The following PHC2 variants were observed in gnomAD, a reference collection of about 807,000 sequenced individuals.
PHC2 encodes the protein polyhomeotic homolog 2.
Under a neutral mutation model 87.4 loss-of-function variants are expected in PHC2, and 29 were observed. That is an observed-to-expected ratio of 0.33 (90% confidence interval 0.25 to 0.45). The LOEUF is 0.45. Ranked by LOEUF, PHC2 falls within the 20% of genes least tolerant of loss-of-function variation. PHC2 has a pLI of 1.00. For synonymous variants in PHC2, 438 were observed against 461.7 expected, an observed-to-expected ratio of 0.95 and a Z score of 0.66; for missense variants, 857 against 1,136.7, an observed-to-expected ratio of 0.75 and a Z score of 3.54.
chr1:33,427,998 T>C (rs937551664), intron 1 of PHC2, among the ~76,000 whole-genome samples: 2 of 152,214 alleles, frequency 1.3e-5, no homozygotes, highest in Admixed American at 6.5e-5. Context: ...TGGCTTCAAT[T>C]ATCACCATTT....
At chr1:33,335,901 G>A (rs552444138) in intron 9 of PHC2, among the ~76,000 whole-genome samples, 4 of 144,310 alleles carry the variant, frequency 2.8e-5, no homozygotes, top group Non-Finnish European at 4.7e-5. Flanking sequence ...CTCTATCTTG[G>A]GGGGGGAGGG....
intron 14 of PHC2, chr1:33,326,351 A>T (rs959855919): frequency 6.4e-6 from 1 of 157,166 alleles, no homozygotes; most frequent in Non-Finnish European, 1.4e-5. Flanking sequence ...TAAACTTAGG[A>T]TGTGACTTAA....
chr1:33,367,264 AG>A lies in PHC2; in HGVS notation c.827del (p.Pro276LeufsTer8), dbSNP rs1647512441. On this transcript the variant is annotated frameshift_variant, in exon 7 of 15. Transcript: ENST00000683057. LOFTEE classifies it high-confidence loss of function. ...CAGCTATGCCAGGCTTGGCACCTGC[AG>A]GGGAAGCCTGAGCAGTATTTCTGCT... ...AQSRNTAQAS[P>X]AGAKPGIADS... 1 of 1,613,800 alleles carries A rather than the reference AG, an allele frequency of 6.2e-7. No individual in the cohort carries two copies.
Position 33,367,201 on chromosome 1 carries a change from G to A in PHC2, c.891C>T (p.Asn297=). The A allele has an allele frequency of 6.2e-7, 1 of 1,614,140 alleles. No individual in the cohort carries two copies. Among genetic ancestry groups the A allele is most frequent in the Non-Finnish European group, 8.5e-7 (1 of 1,179,974 alleles). The change falls in exon 7 of 15, where the codon AAC becomes AAT. Residue 297 remains asparagine, a synonymous_variant. Transcript: ENST00000683057. ...VMEPHKKGDG[N]SSVPGSMEGR... ...CTTCCATGCTCCCTGGCACACTGCT[G>A]TTGCCATCTCCTTTCTTGTGTGGCT...
At chr1:33,370,036 G>A (rs959589143) in intron 5 of PHC2, among the ~76,000 whole-genome samples, 2 of 152,148 alleles carry the variant, frequency 1.3e-5, no homozygotes, top group African/African-American at 4.8e-5. Flanking sequence ...TGTAAGGATG[G>A]TGGGAAGGGG....
intron 1 of PHC2, among the ~76,000 whole-genome samples, chr1:33,386,305 C>T (rs1376496693): frequency 1.3e-5 from 2 of 151,450 alleles, no homozygotes; most frequent in African/African-American, 4.8e-5. Context: ...ATCACAAGGT[C>T]AGGAGTTCAA....
At chr1:33,350,003 G>C (rs1231580949) in intron 9 of PHC2, 1 of 264,090 alleles carries the variant, frequency 3.8e-6, no homozygotes, top group Non-Finnish European at 5.8e-6. Context: ...GACACGGGCC[G>C]CGCGCTTCCT....
At chr1:33,424,342 C>T (rs1650583364) in intron 1 of PHC2, among the ~76,000 whole-genome samples, 1 of 152,126 alleles carries the variant, frequency 6.6e-6, no homozygotes, top group South Asian at 2.1e-4. Context: ...GTTTCTACAT[C>T]TTTTCTTCCC....
At chr1:33,346,753 A>G in intron 9 of PHC2, 1 of 985,386 alleles carries the variant, frequency 1.0e-6, no homozygotes, top group Non-Finnish European at 1.2e-6. Flanking sequence ...GCCTGGCCTG[A>G]GGTCCACAGC....
chr1:33,328,114 G>A (rs2148185009), intron 14 of PHC2, among the ~76,000 whole-genome samples: 1 of 152,314 alleles, frequency 6.6e-6, no homozygotes, highest in African/African-American at 2.4e-5. Context: ...GTGTATGAGT[G>A]AGACTGGCAG....
At chr1:33,357,151 A>G (rs1448938947) in intron 7 of PHC2, among the ~76,000 whole-genome samples, 1 of 152,196 alleles carries the variant, frequency 6.6e-6, no homozygotes, top group Non-Finnish European at 1.5e-5. Context: ...CTGGAGAGCT[A>G]GCCAAGTGCA....
chr1:33,406,464 C>T (rs1159982438), intron 1 of PHC2, among the ~76,000 whole-genome samples: 5 of 152,286 alleles, frequency 3.3e-5, no homozygotes, highest in Middle Eastern at 3.4e-3. Context: ...TACAATGGCA[C>T]TTCCCCAGGT....
chr1:33,416,643 G>A (rs1347691603), intron 1 of PHC2, among the ~76,000 whole-genome samples: 1 of 148,844 alleles, frequency 6.7e-6, no homozygotes. Flanking sequence ...ATGCAAGCCA[G>A]TAGGCAATGG....
intron 1 of PHC2, among the ~76,000 whole-genome samples, chr1:33,420,067 T>A (rs1377358478): frequency 6.6e-6 from 1 of 152,094 alleles, no homozygotes; most frequent in African/African-American, 2.4e-5. Flanking sequence ...TATATTTGGG[T>A]GGTCATTATT....
Position 33,323,628 on chromosome 1 carries a change from G to A in PHC2, c.*1237C>T, listed in dbSNP as rs952465277. ...AGGGGAGAAAGGCACCAAAGAGACA[G>A]ATTTTACAGATTTATTTTTAAAAAA... is the stretch of plus-strand genomic sequence containing the variant. On this transcript the variant is annotated 3_prime_UTR_variant, in exon 15 of 15. Transcript: ENST00000683057. 2 of 152,640 alleles carry A rather than the reference G, an allele frequency of 1.3e-5. No individual in the cohort carries two copies. Among genetic ancestry groups the A allele is most frequent in the Admixed American group, 6.5e-5 (1 of 15,278 alleles). The allele number at this position is 152,640 out of a possible 1,614,324, so 9.5% of individuals were successfully genotyped here. A position where few individuals can be genotyped will look rare whatever the true frequency, so the allele number is the denominator to read the frequency against.
intron 1 of PHC2, among the ~76,000 whole-genome samples, chr1:33,424,957 T>G (rs551852818): frequency 8.2e-4 from 124 of 151,436 alleles, no homozygotes; most frequent in South Asian, 1.9e-3. Flanking sequence ...GGACATGAAT[T>G]ATCAAGAATT....
chr1:33,391,867 A>G (rs916567892), intron 1 of PHC2, among the ~76,000 whole-genome samples: 1 of 152,192 alleles, frequency 6.6e-6, no homozygotes, highest in Non-Finnish European at 1.5e-5. Flanking sequence ...AAAGGCAATT[A>G]GCTTGGCTGG....
In PHC2 at chr1:33,354,966, G is replaced by T; in HGVS notation, c.1264C>A (p.Gln422Lys). ...ANLHKPGGSQ[Q>K]CHPPTPDTGP... ...GTATCAGGTGTGGGAGGGTGACACT[G>T]CTGACTGCCGCCAGGCTTGTGCAGG... The change falls in exon 8 of 15, where the codon CAG (glutamine) becomes AAG (lysine). Residue 422 changes from glutamine to lysine, a missense_variant. Transcript: ENST00000683057. 6.2e-7 allele frequency: 1 copy of T among 1,614,210 alleles called. No individual in the cohort carries two copies. The highest frequency in any genetic ancestry group is 1.3e-5 in the African/African-American group (1 of 75,070).
chr1:33,403,538 T>A (rs1234723069), intron 1 of PHC2, among the ~76,000 whole-genome samples: 1 of 152,196 alleles, frequency 6.6e-6, no homozygotes, highest in Non-Finnish European at 1.5e-5. Flanking sequence ...TAAGTTGGGT[T>A]ATGGATAAAT....
Sources: allele counts gnomAD v4.1 joint callset (sites outside exome capture counted in the v4.1 genomes callset), GRCh38; gene constraint gnomAD v4.1.1; transcripts MANE v1.5; gene names NCBI Gene and HGNC (gene_info 2026-07-23, HGNC 2026-07-21).